DDX3Y: variants seen among roughly 807,000 people sequenced by gnomAD.
The protein encoded by DDX3Y is DEAD-box helicase 3 Y-linked.
In DDX3Y, 2 loss-of-function variants were observed where a neutral mutation model predicts 15.1. The observed-to-expected ratio is 0.13, with a 90% CI of 0.05 to 0.42. DDX3Y has a LOEUF of 0.42. Among genes scored for constraint, DDX3Y ranks in the 10% least tolerant of loss-of-function variants. The pLI is 0.99. For missense variants in DDX3Y, 81 were observed against 149.9 expected (o/e 0.54, Z 2.40); for synonymous variants, 47 against 45.0 (o/e 1.04, Z -0.18).
intron 3 of DDX3Y, among the ~76,000 whole-genome samples, chrY:12,911,257 A>G (rs2053626765): frequency 3.0e-5 from 1 of 33,242 alleles, no homozygotes; most frequent in Non-Finnish European, 7.4e-5. Flanking sequence ...TCTTAGTTCA[A>G]GCTTTTCTGT....
chrY:12,904,163 C>A (rs2148295483), upstream of DDX3Y: 2 of 34,020 alleles, frequency 5.9e-5, no homozygotes, highest in Admixed American at 5.2e-4. Flanking sequence ...TCAAGTCTGT[C>A]GAGCCTCTGG....
chrY:12,905,027 T>C, intron 1 of DDX3Y, 46 bp downstream of exon 1: 1 of 370,586 alleles, frequency 2.7e-6, no homozygotes, highest in East Asian at 9.3e-5. Flanking sequence ...GACCCTTTAC[T>C]TGGCCTGACG....
chrY:12,908,858 AT>A (rs2053619649), intron 2 of DDX3Y, among the ~76,000 whole-genome samples: 1 of 29,902 alleles, frequency 3.3e-5, no homozygotes, highest in Admixed American at 2.9e-4. Context: ...AATTTTTTCT[AT>A]TTTTTTTTAG....
At chrY:12,912,671 C>T in intron 4 of DDX3Y, 56 bp from the exon 5 acceptor site, 1 of 384,962 alleles carries the variant, frequency 2.6e-6, no homozygotes, top group Non-Finnish European at 3.7e-6. Flanking sequence ...GTTTCTAGAG[C>T]GATGATAATC....
chrY:12,916,391 G>C lies in DDX3Y; in HGVS notation c.1440G>C (p.Glu480Asp), dbSNP rs1329984392. 2.5e-6 allele frequency: 1 copy of C among 398,813 alleles called. No homozygotes were observed. The highest frequency in any genetic ancestry group is 3.5e-6 in the Non-Finnish European group (1 of 283,568). Reference sequence around the variant, plus strand: ...ACCGGTCACAGAGAGATCGAGAGGAGGCCCTTCACCAGTTTCGCTCAGGAA... The same window carrying C: ...ACCGGTCACAGAGAGATCGAGAGGACGCCCTTCACCAGTTTCGCTCAGGAA... ...HGDRSQRDREEALHQFRSGKS... is the reference protein window; with the variant it reads ...HGDRSQRDREDALHQFRSGKS... Residue 480 changes from glutamate to aspartate, a missense_variant, in exon 13 of 17, where the codon GAG becomes GAC. This residue lies in a region of DDX3Y where 52 missense variants were observed against 122.8 expected (regional missense o/e 0.42). Transcript: ENST00000336079.
In DDX3Y at chrY:12,912,856, A is replaced by G; in HGVS notation, c.411A>G (p.Pro137=). The G allele has an allele frequency of 5.0e-6, 2 of 399,111 alleles. No homozygotes were observed. The part of the protein sequence containing the change: ...DKSVEDDWSK[P]LPPSERLEQE... ...CAGTTGAAGATGATTGGTCAAAACC[A>G]CTTCCACCAAGTGAACGCTTGGAGC... Residue 137 remains proline, a synonymous_variant, in exon 5 of 17, where the codon CCA becomes CCG. Transcript: ENST00000336079.
Position 12,918,175 on chromosome Y carries a change from T to C in DDX3Y, c.*53T>C. On this transcript the variant is annotated 3_prime_UTR_variant, in exon 17 of 17. Transcript: ENST00000336079. ...CAAAGAAGCTAATATGGAAACCACA[T>C]GTAACTTAGCCAGACTATATTGTGT... The C allele has an allele frequency of 3.8e-6, 1 of 260,217 alleles. No homozygotes were observed. Among genetic ancestry groups the C allele is most frequent in the Middle Eastern group, 1.1e-3 (1 of 899 alleles). 64.9% of individuals were successfully genotyped at this position (260,217 alleles called of 400,897 possible).
intron 2 of DDX3Y, 48 bp from the exon 3 acceptor site, chrY:12,909,312 G>T: frequency 3.0e-6 from 1 of 331,383 alleles, no homozygotes. Flanking sequence ...TCTAAAAGCA[G>T]TATCTTGGCG....
In DDX3Y at chrY:12,916,402, A is replaced by G; in HGVS notation, c.1451A>G (p.Gln484Arg). ...AGAGATCGAGAGGAGGCCCTTCACC[A>G]GTTTCGCTCAGGAAAAAGCCCAATT... ...SQRDREEALH[Q>R]FRSGKSPILV... Residue 484 changes from glutamine to arginine, a missense_variant, in exon 13 of 17, where the codon CAG becomes CGG. Gln to Arg is a conservative substitution (Grantham distance 43). Coordinates refer to ENST00000336079, the MANE Select transcript of DDX3Y (RefSeq NM_004660.5). 2 of 396,156 alleles carry G rather than the reference A, an allele frequency of 5.0e-6. No homozygotes were observed. The highest frequency in any genetic ancestry group is 6.5e-5 in the African/African-American group (1 of 15,418).
chrY:12,909,276 C>T, intron 2 of DDX3Y, 84 bp from the exon 3 acceptor site: 1 of 265,260 alleles, frequency 3.8e-6, no homozygotes, highest in East Asian at 1.1e-4. Flanking sequence ...GTTTGTTTTC[C>T]AGGACCTATT....
chrY:12,916,947 T>C lies in DDX3Y; in HGVS notation c.1650T>C (p.Ile550=). ...TCTTTAATGAAAAAAATATGAATAT[T>C]ACAAAGGATTTGTTGGATCTTCTTG... is the stretch of plus-strand genomic sequence containing the variant. ...TSFFNEKNMN[I]TKDLLDLLVE... The change falls in exon 15 of 17, where the codon ATT becomes ATC. Residue 550 remains isoleucine, a synonymous_variant. Coordinates refer to ENST00000336079, the MANE Select transcript of DDX3Y (RefSeq NM_004660.5). The C allele has an allele frequency of 2.5e-6, 1 of 395,812 alleles. No homozygotes were observed. The highest frequency in any genetic ancestry group is 3.6e-6 in the Non-Finnish European group (1 of 281,163).
At chrY:12,904,513 G>A, upstream of DDX3Y, 1 of 51,595 alleles carries the variant, frequency 1.9e-5, no homozygotes, top group East Asian at 4.4e-4. Flanking sequence ...GGAAGTTGAG[G>A]GTGGGTAAGG....
In DDX3Y at chrY:12,919,926, G is replaced by T. The variant is rs2053661284; in HGVS notation, c.*1804G>T. 1 of 33,912 alleles carries T rather than the reference G, an allele frequency of 2.9e-5. No homozygotes were observed. Among genetic ancestry groups the T allele is most frequent in the Non-Finnish European group, 7.4e-5 (1 of 13,596 alleles). The allele number at this position is 33,912 out of a possible 400,897, so 8.5% of individuals were successfully genotyped here. The stretch of plus-strand genomic sequence containing the variant: ...AAAGTTTAAAGAAACTTGACCAAAA[G>T]ACAGTACAAAAAACACTGGCACTTG... On this transcript the variant is annotated 3_prime_UTR_variant, in exon 17 of 17. Coordinates refer to ENST00000336079, the MANE Select transcript of DDX3Y (RefSeq NM_004660.5).
chrY:12,907,254 TTTAG>T (rs2053614797), intron 1 of DDX3Y, among the ~76,000 whole-genome samples: 1 of 33,655 alleles, frequency 3.0e-5, no homozygotes, highest in Non-Finnish European at 7.3e-5. Context: ...GGTAAATTTT[TTTAG>T]TTAGGAAAGT....
intron 2 of DDX3Y, among the ~76,000 whole-genome samples, chrY:12,908,049 G>A (rs982138642): frequency 2.9e-5 from 1 of 34,723 alleles, no homozygotes; most frequent in Non-Finnish European, 7.2e-5. Flanking sequence ...CCTGCATTGT[G>A]TTAAACCTAA....
intron 10 of DDX3Y, 21 bp downstream of exon 10, chrY:12,915,248 G>A: frequency 2.6e-6 from 1 of 391,512 alleles, no homozygotes; most frequent in Non-Finnish European, 3.6e-6. Context: ...TTTTATATAT[G>A]GGGTGCATCT....
chrY:12,912,602 G>A, intron 4 of DDX3Y, 125 bp from the exon 5 acceptor site: 3 of 238,670 alleles, frequency 1.3e-5, no homozygotes, highest in Non-Finnish European at 2.1e-5. Flanking sequence ...AACGAATATT[G>A]AATTGCCAGT....
chrY:12,911,012 G>T (rs2053625981), intron 3 of DDX3Y, among the ~76,000 whole-genome samples: 1 of 30,139 alleles, frequency 3.3e-5, no homozygotes, highest in Non-Finnish European at 7.9e-5. Flanking sequence ...TTGGGTTCAT[G>T]CCATTCTCCT....
At chrY:12,905,662 C>T in intron 1 of DDX3Y, 4 of 248,651 alleles carry the variant, frequency 1.6e-5, no homozygotes, top group Non-Finnish European at 2.2e-5. Flanking sequence ...GGGTGCTGAG[C>T]GTGCCGAAAC....
Sources: gnomAD v4.1 joint callset for allele counts (sites outside exome capture counted in the v4.1 genomes callset) on GRCh38, gnomAD v4.1.1 for gene constraint, gnomAD v4.1.1 regional missense constraint, MANE v1.5 for transcripts, NCBI Gene and HGNC (gene_info 2026-07-23, HGNC 2026-07-21) for gene names.